ZNF649: variants seen among roughly 807,000 people sequenced by gnomAD.
The protein encoded by ZNF649 is zinc finger protein 649.
ZNF649 carries 7 observed loss-of-function variants against 14.1 expected under a neutral mutation model. The ratio of observed to expected loss-of-function variants is 0.49; its 90% CI spans 0.28 to 0.93. The LOEUF is 0.93. Among genes scored for constraint, ZNF649 ranks in the 40% least tolerant of loss-of-function variants. The pLI, the probability that ZNF649 is intolerant of heterozygous loss-of-function variation, is 0.10. For synonymous variants in ZNF649, 227 were observed against 212.3 expected (o/e 1.07, Z -0.60); for missense variants, 544 against 608.1 (o/e 0.89, Z 1.11).
rs542299574 is a variant in ZNF649, at chr19:51,890,678, A to G, written c.1458T>C (p.Asn486=). Residue 486 remains asparagine, a synonymous_variant, in exon 5 of 5, where the codon AAT becomes AAC. Coordinates refer to ENST00000354957, the MANE Select transcript of ZNF649 (RefSeq NM_023074.4). The part of the protein sequence containing the change: ...SEHVQGKSPV[N]MVTVAMVAGQ... ...CTGCCACCATTGCCACAGTTACCAT[A>G]TTAACAGGGCTTTTCCCCTGCACAT... 21 of 1,614,186 alleles carry G rather than the reference A, an allele frequency of 1.3e-5. No individual in the cohort carries two copies. In the African/African-American group the frequency reaches 2.5e-4, roughly 19 times the overall value.
At chr19:51,900,393 TATA>T (rs761789466) in intron 1 of ZNF649, 99 bp from the exon 2 acceptor site, 1 of 344,958 alleles carries the variant, frequency 2.9e-6, no homozygotes, top group Non-Finnish European at 5.2e-6. Flanking sequence ...GGCCAAGCAA[TATA>T]TCTAAGCATC....
intron 3 of ZNF649, 111 bp downstream of exon 3, chr19:51,896,741 T>G: frequency 6.2e-7 from 1 of 1,607,830 alleles, no homozygotes; most frequent in East Asian, 2.2e-5. Flanking sequence ...GAGACGGGCC[T>G]GAGGATCTGC....
rs780219049 is a variant in ZNF649 at position 51,891,365 on chromosome 19, T to C, written c.771A>G (p.Lys257=). The C allele has an allele frequency of 3.7e-6, 6 of 1,614,092 alleles. No individual in the cohort carries two copies. Among genetic ancestry groups the C allele is most frequent in the Non-Finnish European group, 5.1e-6 (6 of 1,180,026 alleles). ...YRLTEHERAH[K]GEKPYGCSEC... ...CACTGCACCCGTATGGTTTCTCTCC[T>C]TTGTGAGCTCTCTCGTGTTCAGTGA... Residue 257 remains lysine, a synonymous_variant, in exon 5 of 5, where the codon AAA becomes AAG. Transcript: ENST00000354957. The surrounding 1 kb of genome is among the most constrained non-coding windows in gnomAD (Gnocchi z 4.2).
In ZNF649 at chr19:51,901,109, G is replaced by A. The variant is rs564462741; in HGVS notation, c.-187-815C>T. On this transcript the variant is annotated intron_variant, in intron 1 of 4. Coordinates refer to ENST00000354957, the MANE Select transcript of ZNF649 (RefSeq NM_023074.4). ...CGAGCCACAAGTCATGACAACACAC[G>A]TGAAATGCTATAGACCAAGGAAGTT... is the stretch of plus-strand genomic sequence containing the variant. 7.2e-5 allele frequency among the ~76,000 whole-genome samples: 11 copies of A among 152,254 alleles called. 1 individual carries two copies. Among genetic ancestry groups the A allele is most frequent in the Middle Eastern group, 6.8e-3 (2 of 294 alleles).
At position 51,890,728 on chromosome 19, in the gene ZNF649, T is replaced by C. The variant is rs1465972024; in HGVS notation, c.1408A>G (p.Ser470Gly). The C allele has an allele frequency of 9.9e-6, 16 of 1,614,132 alleles. No homozygotes were observed. Among genetic ancestry groups the C allele is most frequent in the Admixed American group, 1.7e-5 (1 of 60,010 alleles). The change falls in exon 5 of 5, where the codon AGT becomes GGT. Residue 470 changes from serine (S) to glycine (G), a missense_variant. Physicochemically the swap from Ser to Gly is moderately conservative, Grantham distance 56. Transcript: ENST00000354957. Reference sequence around the variant, plus strand: ...TGTTCACTAGGACTTAAGCTGTGACTTGCTGTGGAAGGATTTTCCACCTTC... The same window carrying C: ...TGTTCACTAGGACTTAAGCTGTGACCTGCTGTGGAAGGATTTTCCACCTTC... ...SVKVENPSTA[S>G]HSLSPSEHVQ...
At chr19:51,894,174 C>T (rs2085043994) in intron 4 of ZNF649, among the ~76,000 whole-genome samples, 1 of 151,782 alleles carries the variant, frequency 6.6e-6, no homozygotes, top group Non-Finnish European at 1.5e-5. Flanking sequence ...GCTCTGTCAC[C>T]CAGGCTGGAG....
chr19:51,896,895 G>A lies in ZNF649; in HGVS notation c.99C>T (p.Tyr33=). Residue 33 remains tyrosine, a synonymous_variant, in exon 3 of 5, where the codon TAC becomes TAT. Transcript: ENST00000354957. Reference sequence around the variant, plus strand: ...TGTAGTTCTCCAACATCACATCCCGGTACAGGTCCTTCTGAGCAGGGCTCA... The same window carrying A: ...TGTAGTTCTCCAACATCACATCCCGATACAGGTCCTTCTGAGCAGGGCTCA... The part of the protein sequence containing the change: ...QFLSPAQKDL[Y]RDVMLENYSN... The A allele has an allele frequency of 6.2e-7, 1 of 1,614,094 alleles. No homozygotes were observed. The highest frequency in any genetic ancestry group is 8.5e-7 in the Non-Finnish European group (1 of 1,180,024).
In ZNF649 at chr19:51,891,143, G is replaced by C; in HGVS notation, c.993C>G (p.Gly331=). Residue 331 remains glycine, a synonymous_variant, in exon 5 of 5, where the codon GGC becomes GGG. Transcript: ENST00000354957. This position sits in a 1 kb window ranked among gnomAD's most constrained non-coding sequence, Gnocchi z 4.2. ...SECGKGFIQK[G]NLNIHQRTHT... is the part of the protein sequence containing the mutation. ...GAGTTCGTTGATGTATGTTGAGATT[G>C]CCCTTCTGAATGAAGCCTTTTCCAC... is the stretch of plus-strand genomic sequence containing the variant. The C allele has an allele frequency of 7.4e-6, 12 of 1,614,136 alleles. No homozygotes were observed. Among genetic ancestry groups the C allele is most frequent in the Non-Finnish European group, 1.0e-5 (12 of 1,180,018 alleles).
At position 51,890,306 on chromosome 19, in the gene ZNF649, C is replaced by A; in HGVS notation, c.*312G>T. ...GTGAACTTGAACAAGGCAAGAGATA[C>A]AATCTAAACTACAAAGAGAACAAAA... On this transcript the variant is annotated 3_prime_UTR_variant, in exon 5 of 5. Coordinates refer to ENST00000354957, the MANE Select transcript of ZNF649 (RefSeq NM_023074.4). The A allele has an allele frequency of 3.9e-6, 1 of 256,322 alleles. No individual in the cohort carries two copies. The highest frequency in any genetic ancestry group is 4.8e-5 in the Admixed American group (1 of 20,676). The allele number at this position is 256,322 out of a possible 1,614,324, so 15.9% of individuals were successfully genotyped here.
At chr19:51,893,292 A>T (rs1158569481) in intron 4 of ZNF649, among the ~76,000 whole-genome samples, 1 of 152,094 alleles carries the variant, frequency 6.6e-6, no homozygotes, top group Non-Finnish European at 1.5e-5. Flanking sequence ...ATGTTTGCTG[A>T]TTCTCATAAA....
chr19:51,899,254 A>C (rs1458202788), intron 2 of ZNF649, among the ~76,000 whole-genome samples: 1 of 152,232 alleles, frequency 6.6e-6, no homozygotes, highest in African/African-American at 2.4e-5. Context: ...TTAAGGCATT[A>C]AAAGAGGTGA....
In ZNF649 at chr19:51,891,788, AC is replaced by A; in HGVS notation, c.347del (p.Gly116ValfsTer2). ...EHGRTLKSYL[G>X]LTNQSRRYNR... is the part of the protein sequence containing the mutation. ...TGTATCTTCTGCTCTGGTTGGTTAA[AC>A]CTAAATATGATTTCAAAGTTCTTCC... is the stretch of plus-strand genomic sequence containing the variant. On this transcript the variant is annotated frameshift_variant, in exon 5 of 5. Transcript: ENST00000354957. LOFTEE classifies it low-confidence loss of function (END_TRUNC). This position sits in a 1 kb window ranked among gnomAD's most constrained non-coding sequence, Gnocchi z 4.2. The A allele has an allele frequency of 6.2e-7, 1 of 1,613,806 alleles. No individual in the cohort carries two copies. The highest frequency in any genetic ancestry group is 8.5e-7 in the Non-Finnish European group (1 of 1,179,956).
At chr19:51,904,576 C>A (rs2085112678) in intron 1 of ZNF649, among the ~76,000 whole-genome samples, 1 of 152,002 alleles carries the variant, frequency 6.6e-6, no homozygotes. Context: ...CCCAGCACCC[C>A]GGCTTCATCA....
rs1483960543 is a variant in ZNF649, at chr19:51,891,330, T to C, written c.806A>G (p.Lys269Arg). 5 of 1,614,196 alleles carry C rather than the reference T, an allele frequency of 3.1e-6. No homozygotes were observed. The highest frequency in any genetic ancestry group is 4.2e-6 in the Non-Finnish European group (5 of 1,180,020). ...EKPYGCSECG[K>R]AFPRKSELTE... ...AAGCTCAGATTTCCTGGGGAAGGCT[T>C]TCCCACATTCACTGCACCCGTATGG... The change falls in exon 5 of 5, where the codon AAA (lysine) becomes AGA (arginine). Residue 269 changes from lysine (K) to arginine (R), a missense_variant. Lys to Arg is a conservative substitution (Grantham distance 26). Coordinates refer to ENST00000354957, the MANE Select transcript of ZNF649 (RefSeq NM_023074.4). The surrounding 1 kb of genome is among the most constrained non-coding windows in gnomAD (Gnocchi z 4.2).
At chr19:51,895,090 C>T in intron 4 of ZNF649, among the ~76,000 whole-genome samples, 1 of 152,158 alleles carries the variant, frequency 6.6e-6, no homozygotes, top group East Asian at 1.9e-4. Flanking sequence ...AAACCAGGCC[C>T]TTGACTCCAG....
Position 51,896,843 on chromosome 19 carries a change from T to C in ZNF649, c.142+9A>G. Reference sequence around the variant, plus strand: ...TACCCTCTGAGTGACACAGGGCAGCTGTCCTCACCCACTGACACAAGGTTG... The same window carrying C: ...TACCCTCTGAGTGACACAGGGCAGCCGTCCTCACCCACTGACACAAGGTTG... On this transcript the variant is annotated intron_variant, in intron 3 of 4. Coordinates refer to ENST00000354957, the MANE Select transcript of ZNF649 (RefSeq NM_023074.4). 6.2e-7 allele frequency: 1 copy of C among 1,614,128 alleles called. No individual in the cohort carries two copies. The highest frequency in any genetic ancestry group is 8.5e-7 in the Non-Finnish European group (1 of 1,180,016).
At chr19:51,899,273 T>C (rs538415227) in intron 2 of ZNF649, among the ~76,000 whole-genome samples, 1 of 152,334 alleles carries the variant, frequency 6.6e-6, no homozygotes, top group East Asian at 1.9e-4. Context: ...GAGAGGTTAA[T>C]AACTGGATTT....
rs1349173706 is a variant in ZNF649 at position 51,891,856 on chromosome 19, T to C, written c.280A>G (p.Asn94Asp). 2.5e-6 allele frequency: 4 copies of C among 1,582,102 alleles called. No homozygotes were observed. Among genetic ancestry groups the C allele is most frequent in the Non-Finnish European group, 3.4e-6 (4 of 1,170,942 alleles). Residue 94 changes from asparagine (N) to aspartate (D), a missense_variant, in exon 5 of 5, where the codon AAC (asparagine) becomes GAC (aspartate). Asn to Asp is a conservative substitution (Grantham distance 23). Transcript: ENST00000354957. This position sits in a 1 kb window ranked among gnomAD's most constrained non-coding sequence, Gnocchi z 4.2. ...ADDHLQQPLQ[N>D]QKILKRTGQR... ...CCCGTCCTCTTCAGTATTTTTTGGT[T>C]TTGCAAGGGCTGCTGCAGATGATCA...
intron 4 of ZNF649, chr19:51,896,189 TG>T (rs2085061242): frequency 3.5e-6 from 1 of 289,146 alleles, no homozygotes; most frequent in Non-Finnish European, 6.6e-6. Context: ...TGACAAGTGA[TG>T]AAGAAGAATG....
Sources: allele counts gnomAD v4.1 joint callset (sites outside exome capture counted in the v4.1 genomes callset), GRCh38; gene constraint gnomAD v4.1.1; non-coding constraint Gnocchi (gnomAD v3.1); transcripts MANE v1.5; gene names NCBI Gene and HGNC (gene_info 2026-07-23, HGNC 2026-07-21).